Variants in LIPH observed in about 807,000 individuals in gnomAD.
LIPH encodes lipase H.
LIPH carries 32 observed loss-of-function variants against 47.6 expected under a neutral mutation model. The ratio of observed to expected loss-of-function variants is 0.67; its 90% CI spans 0.51 to 0.90. LIPH has a LOEUF of 0.90. Ranked by LOEUF, LIPH falls within the 40% of genes least tolerant of loss-of-function variation. LIPH has a pLI of 0.00. For synonymous variants in LIPH, 190 were observed against 195.6 expected, an observed-to-expected ratio of 0.97 and a Z score of 0.24; for missense variants, 497 against 541.4, an observed-to-expected ratio of 0.92 and a Z score of 0.81.
chr3:185,551,910 A>C (rs1307147562), intron 1 of LIPH, among the ~76,000 whole-genome samples: 1 of 152,108 alleles, frequency 6.6e-6, no homozygotes, highest in African/African-American at 2.4e-5. Context: ...TTAAGTTATA[A>C]GAATGCCAGG....
At chr3:185,539,963 A>G (rs1720649446) in intron 1 of LIPH, among the ~76,000 whole-genome samples, 1 of 152,162 alleles carries the variant, frequency 6.6e-6, no homozygotes, top group Non-Finnish European at 1.5e-5. Context: ...ATTCCTGCCC[A>G]TGTGGCACTC....
intron 1 of LIPH, among the ~76,000 whole-genome samples, chr3:185,550,414 A>C (rs905996029): frequency 1.3e-5 from 2 of 152,200 alleles, no homozygotes; most frequent in African/African-American, 4.8e-5. Context: ...GAAGATGCTA[A>C]GGAAAAGGAA....
At chr3:185,526,271 A>C (rs1242771164) in intron 4 of LIPH, among the ~76,000 whole-genome samples, 1 of 152,194 alleles carries the variant, frequency 6.6e-6, no homozygotes, top group Non-Finnish European at 1.5e-5. Context: ...CTGTAATCCC[A>C]GCACTTTGGG....
In LIPH at chr3:185,552,574, A is replaced by C; in HGVS notation, c.-103T>G. 1 of 819,304 alleles carries C rather than the reference A, an allele frequency of 1.2e-6. No homozygotes were observed. The highest frequency in any genetic ancestry group is 2.5e-5 in the East Asian group (1 of 39,940). The allele number at this position is 819,304 out of a possible 1,614,324, so 50.8% of individuals were successfully genotyped here. A position where few individuals can be genotyped will look rare whatever the true frequency, so the allele number is the denominator to read the frequency against. On this transcript the variant is annotated 5_prime_UTR_variant, in exon 1 of 10. Coordinates refer to ENST00000296252, the MANE Select transcript of LIPH (RefSeq NM_139248.3). The stretch of plus-strand genomic sequence containing the variant: ...ATTTTGCTCACAGTGAGCTCAGACG[A>C]CTCAGAGGTGTGGTGACAACAGGAA...
chr3:185,529,954 GAAAGAAAGAAGGAA>G (rs1215884155), intron 3 of LIPH, among the ~76,000 whole-genome samples: 26 of 54,814 alleles, frequency 4.7e-4, no homozygotes, highest in East Asian at 2.4e-3. Flanking sequence ...AAGAAAGAAA[GAAAGAAAGAAGGAA>G]AGAAAGAAAG....
At chr3:185,529,948 A>G (rs1040759362) in intron 3 of LIPH, among the ~76,000 whole-genome samples, 1 of 54,922 alleles carries the variant, frequency 1.8e-5, no homozygotes, top group Non-Finnish European at 4.5e-5. Flanking sequence ...GAAAGAAAGA[A>G]AGAAAGAAAG....
intron 8 of LIPH, 81 bp downstream of exon 8, chr3:185,514,329 A>C: frequency 2.6e-6 from 2 of 773,262 alleles, no homozygotes; most frequent in Non-Finnish European, 4.8e-6. Context: ...TCTATAAATA[A>C]GAAAGTAGGT....
chr3:185,520,465 C>T (rs189607538), intron 5 of LIPH, among the ~76,000 whole-genome samples: 10,790 of 151,244 alleles, frequency 0.071, 592 homozygotes, highest in African/African-American at 0.15. Flanking sequence ...TGCAGTGAGC[C>T]GAGATCGAGC....
chr3:185,533,496 G>T, intron 3 of LIPH, 75 bp downstream of exon 3: 1 of 945,422 alleles, frequency 1.1e-6, no homozygotes, highest in Non-Finnish European at 1.8e-6. Flanking sequence ...CAAGGAGTTG[G>T]ATTGGCCTAC....
intron 1 of LIPH, among the ~76,000 whole-genome samples, chr3:185,541,393 T>TC (rs1720705094): frequency 8.6e-6 from 1 of 116,848 alleles, no homozygotes; most frequent in South Asian, 3.7e-4. Flanking sequence ...GATCTTTCTT[T>TC]CTTTTTTTTT....
chr3:185,522,650 AAAAGAAAGAAAGAAAGAAAGAAAG>A (rs59353669), intron 5 of LIPH, among the ~76,000 whole-genome samples: 4,852 of 141,972 alleles, frequency 0.034, 254 homozygotes, highest in African/African-American at 0.11. Flanking sequence ...GAGAGAAAGA[AAAAGAAAGAAAGAAAGAAAGAAAG>A]AAAGAAAGAA....
chr3:185,508,979 G>T (rs1719469452), intron 9 of LIPH, 102 bp from the exon 10 acceptor site: 2 of 809,524 alleles, frequency 2.5e-6, no homozygotes, highest in South Asian at 1.5e-5. Flanking sequence ...TTTAGCAATT[G>T]TTTTTAATAT....
intron 1 of LIPH, among the ~76,000 whole-genome samples, chr3:185,537,375 C>T (rs776076427): frequency 2.8e-4 from 42 of 152,062 alleles, no homozygotes; most frequent in Non-Finnish European, 4.4e-4. Flanking sequence ...CTCAAATGCG[C>T]GCGTTCCTCC....
chr3:185,531,659 T>C (rs1720335968), intron 3 of LIPH, among the ~76,000 whole-genome samples: 1 of 151,604 alleles, frequency 6.6e-6, no homozygotes, highest in East Asian at 1.9e-4. Context: ...CGCAGGAGGA[T>C]TGCTTGAGCC....
At chr3:185,514,360 C>T (rs1719659875) in intron 8 of LIPH, 50 bp downstream of exon 8, 1 of 830,088 alleles carries the variant, frequency 1.2e-6, no homozygotes, top group African/African-American at 1.7e-5. Flanking sequence ...TTTAATTTCT[C>T]TGAGCAAAAA....
chr3:185,517,637 C>T (rs1260069537), intron 6 of LIPH, among the ~76,000 whole-genome samples: 1 of 152,074 alleles, frequency 6.6e-6, no homozygotes, highest in Non-Finnish European at 1.5e-5. Context: ...GAGTGTCCTC[C>T]TTTGTTTTTG....
chr3:185,526,333 C>A (rs1026287322), intron 4 of LIPH, among the ~76,000 whole-genome samples: 40 of 151,946 alleles, frequency 2.6e-4, no homozygotes, highest in African/African-American at 8.7e-4. Context: ...CCAGCCTGGC[C>A]GACATAGTGA....
intron 4 of LIPH, among the ~76,000 whole-genome samples, chr3:185,525,637 G>C (rs1720047423): frequency 6.6e-6 from 1 of 152,092 alleles, no homozygotes; most frequent in East Asian, 1.9e-4. Context: ...AGGAAGCTCA[G>C]AGGACTTAAG....
chr3:185,546,918 T>C (rs1228668754), intron 1 of LIPH: 4 of 453,454 alleles, frequency 8.8e-6, no homozygotes. Context: ...TATTTCTGAC[T>C]GGAGAAAACC....
Sources: gnomAD v4.1 joint callset for allele counts (sites outside exome capture counted in the v4.1 genomes callset) on GRCh38, gnomAD v4.1.1 for gene constraint, MANE v1.5 for transcripts, NCBI Gene and HGNC (gene_info 2026-07-23, HGNC 2026-07-21) for gene names.